Variants in USP39 observed in about 807,000 individuals in gnomAD.
USP39 encodes ubiquitin carboxyl-terminal hydrolase 39.
USP39 carries 38 observed loss-of-function variants against 66.4 expected under a neutral mutation model. The observed-to-expected ratio is 0.57, with a 90% confidence interval of 0.44 to 0.75. The LOEUF is 0.75. USP39 is among the 30% of genes least tolerant of loss of function. USP39 has a pLI of 0.00. For synonymous variants in USP39, 303 were observed against 274.6 expected, an observed-to-expected ratio of 1.10 and a Z score of -1.02; for missense variants, 608 against 714.4, an observed-to-expected ratio of 0.85 and a Z score of 1.70.
At chr2:85,644,910 TTGTC>T (rs753338300) in intron 10 of USP39, 34 bp from the exon 11 acceptor site, 4 of 1,612,374 alleles carry the variant, frequency 2.5e-6, no homozygotes, top group Middle Eastern at 1.7e-4. Flanking sequence ...CTCACAGCCT[TTGTC>T]TGATTATTCC....
At chr2:85,617,320 A>G (rs1161337518) in intron 1 of USP39, among the ~76,000 whole-genome samples, 4 of 152,206 alleles carry the variant, frequency 2.6e-5, no homozygotes, top group African/African-American at 7.2e-5. Context: ...TGCTTGAGCA[A>G]TAGGCACCTC....
At chr2:85,608,925 A>G, upstream of USP39, 2 of 1,613,748 alleles carry the variant, frequency 1.2e-6, no homozygotes, top group Non-Finnish European at 1.7e-6. Context: ...TCCAGCCTGG[A>G]GAGAACGCCT....
In USP39 at chr2:85,647,877, C is replaced by T. The variant is rs994376350; in HGVS notation, c.1564-53C>T. On this transcript the variant is annotated intron_variant, in intron 11 of 12. Coordinates refer to ENST00000323701, the MANE Select transcript of USP39 (RefSeq NM_006590.4). Reference sequence around the variant, plus strand: ...TCTTGGCTATGATCCTTTCCTTCTACACCCTTTTGGTTTTAGAGAGCAGAC... The same window carrying T: ...TCTTGGCTATGATCCTTTCCTTCTATACCCTTTTGGTTTTAGAGAGCAGAC... 4 of 1,552,850 alleles carry T rather than the reference C, an allele frequency of 2.6e-6. No homozygotes were observed. In the African/African-American group the frequency reaches 4.1e-5, roughly 16 times the overall value.
At chr2:85,620,868 G>A (rs1019284915) in intron 2 of USP39, among the ~76,000 whole-genome samples, 1 of 149,334 alleles carries the variant, frequency 6.7e-6, no homozygotes. Context: ...GTGGAGATAA[G>A]GTTTTTGTTC....
intron 7 of USP39, among the ~76,000 whole-genome samples, chr2:85,636,411 G>A (rs1675778496): frequency 6.6e-6 from 1 of 152,142 alleles, no homozygotes; most frequent in African/African-American, 2.4e-5. Context: ...ATCTGGGGTA[G>A]GCTAGTATCT....
In USP39 at chr2:85,619,418, T is replaced by G. The variant is rs539413535; in HGVS notation, c.338+129T>G. ...TTGAACCTGTCTAGAGAGTTGTGCT[T>G]CTTGCCATGTTACTCCTTATTCTTT... On this transcript the variant is annotated intron_variant, in intron 2 of 12. Transcript: ENST00000323701. 23 of 865,960 alleles carry G rather than the reference T, an allele frequency of 2.7e-5. No homozygotes were observed. In the East Asian group the frequency reaches 6.2e-4, roughly 23 times the overall value. 53.6% of individuals were successfully genotyped at this position (865,960 alleles called of 1,614,324 possible).
chr2:85,642,217 G>A (rs148322884), intron 10 of USP39, among the ~76,000 whole-genome samples: 1 of 152,254 alleles, frequency 6.6e-6, no homozygotes, highest in Non-Finnish European at 1.5e-5. Flanking sequence ...AGAATTACAG[G>A]GGAATTTCTT....
chr2:85,614,994 G>GGTGTGGTGTGGT (rs1673815647), upstream of USP39, among the ~76,000 whole-genome samples: 2 of 130,536 alleles, frequency 1.5e-5, no homozygotes, highest in African/African-American at 5.3e-5. Flanking sequence ...GGTGTGGTGT[G>GGTGTGGTGTGGT]GTGTGGTGTG....
chr2:85,615,962 A>G (rs1673890890), upstream of USP39: 1 of 782,054 alleles, frequency 1.3e-6, no homozygotes, highest in Admixed American at 6.2e-5. Flanking sequence ...TGTCGCCAGT[A>G]AAGGTTCCCG....
intron 1 of USP39, among the ~76,000 whole-genome samples, chr2:85,604,023 G>A (rs1006195120): frequency 6.6e-6 from 1 of 152,172 alleles, no homozygotes; most frequent in Non-Finnish European, 1.5e-5. Context: ...CACCTGAATG[G>A]TGCACAGGCG....
chr2:85,618,506 G>A (rs1674181176), intron 1 of USP39, among the ~76,000 whole-genome samples: 1 of 149,356 alleles, frequency 6.7e-6, no homozygotes, highest in African/African-American at 2.5e-5. Context: ...AGGTTGCTGT[G>A]AGCTGAGATC....
At position 85,639,364 on chromosome 2, in the gene USP39, G is replaced by A; in HGVS notation, c.1257G>A (p.Leu419=). The change falls in exon 9 of 13, where the codon CTG becomes CTA. Residue 419 remains leucine (L), a synonymous_variant. Coordinates refer to ENST00000323701, the MANE Select transcript of USP39 (RefSeq NM_006590.4). ...IIPQVPLFNI[L]AKFNGITEKE... is the part of the protein sequence containing the mutation. Reference sequence around the variant, plus strand: ...CCCAAGTGCCACTCTTCAACATCCTGGCTAAGTTCAATGGCATCACTGAGA... The same window carrying A: ...CCCAAGTGCCACTCTTCAACATCCTAGCTAAGTTCAATGGCATCACTGAGA... 6.2e-7 allele frequency: 1 copy of A among 1,613,844 alleles called. No individual in the cohort carries two copies. The highest frequency in any genetic ancestry group is 8.5e-7 in the Non-Finnish European group (1 of 1,179,954).
chr2:85,611,942 G>A (rs752471581), upstream of USP39: 2 of 1,581,806 alleles, frequency 1.3e-6, no homozygotes, highest in South Asian at 1.1e-5. Flanking sequence ...CGCCCCCCAG[G>A]CTTGCAGCAG....
chr2:85,622,210 C>T (rs1398554856), intron 3 of USP39, among the ~76,000 whole-genome samples: 4 of 151,752 alleles, frequency 2.6e-5, no homozygotes, highest in Non-Finnish European at 5.9e-5. Context: ...AGCCTCTTGA[C>T]TCCCAGGTTC....
Position 85,616,352 on chromosome 2 carries a change from G to A in USP39, c.157G>A (p.Glu53Lys), listed in dbSNP as rs754552396. 22 of 1,601,970 alleles carry A rather than the reference G, an allele frequency of 1.4e-5. No individual in the cohort carries two copies. The highest frequency in any genetic ancestry group is 2.3e-5 in the East Asian group (1 of 44,362). ...GGGCAGCCCTGTGCGCGTGAAGCGG[G>A]AGTTCGAGCCGGCGAGCGCGCGCGA... ...SRGSPVRVKR[E>K]FEPASAREAP... Residue 53 changes from glutamate (E) to lysine (K), a missense_variant, in exon 1 of 13, where the codon GAG becomes AAG. Glu to Lys is a moderately conservative substitution (Grantham distance 56). Transcript: ENST00000323701.
chr2:85,641,926 AAAAG>A (rs869310602), intron 10 of USP39, among the ~76,000 whole-genome samples: 13,031 of 111,668 alleles, frequency 0.12, 743 homozygotes, highest in South Asian at 0.17. Flanking sequence ...AAAAAAAAAA[AAAAG>A]AAAGAAAGAA....
chr2:85,604,752 A>G (rs904725739), intron 1 of USP39, among the ~76,000 whole-genome samples: 1 of 152,234 alleles, frequency 6.6e-6, no homozygotes, highest in Non-Finnish European at 1.5e-5. Context: ...TATCTGCCCA[A>G]TGGGGCTGTG....
chr2:85,625,377 T>C (rs1008354973), intron 4 of USP39, among the ~76,000 whole-genome samples, 162 bp from the exon 5 acceptor site: 1 of 152,238 alleles, frequency 6.6e-6, no homozygotes, highest in Admixed American at 6.5e-5. Context: ...GAGGATCTAC[T>C]CCGTGTTACT....
At chr2:85,614,390 T>A (rs931628518), upstream of USP39, among the ~76,000 whole-genome samples, 1 of 152,076 alleles carries the variant, frequency 6.6e-6, no homozygotes, top group Non-Finnish European at 1.5e-5. Flanking sequence ...GGCAGGTGCA[T>A]GTAATCCCAG....
Sources: allele counts gnomAD v4.1 joint callset (sites outside exome capture counted in the v4.1 genomes callset), GRCh38; gene constraint gnomAD v4.1.1; transcripts MANE v1.5; gene names NCBI Gene and HGNC (gene_info 2026-07-23, HGNC 2026-07-21).